NEBL: variants seen among roughly 807,000 people sequenced by gnomAD.
The protein encoded by NEBL is nebulette.
Under a neutral mutation model 140.2 loss-of-function variants are expected in NEBL, and 122 were observed. That is an observed-to-expected ratio of 0.87 (90% CI 0.75 to 1.01). The LOEUF is 1.01. NEBL is among the 50% of genes least tolerant of loss of function. The probability of loss-of-function intolerance (pLI) is 0.00; values close to 1 mark genes in which losing one functional copy is unlikely to be tolerated. For synonymous variants in NEBL, 436 were observed against 398.9 expected (o/e 1.09, Z -1.11); for missense variants, 1,365 against 1,231.3 (o/e 1.11, Z -1.62).
At chr10:21,212,341 GACAA>G (rs1233360589) in intron 3 of NEBL, among the ~76,000 whole-genome samples, 2 of 151,988 alleles carry the variant, frequency 1.3e-5, no homozygotes, top group East Asian at 1.9e-4. Flanking sequence ...AAATTAAACT[GACAA>G]ACAAAGATTT....
chr10:20,820,172 G>C (rs367852206), intron 19 of NEBL, among the ~76,000 whole-genome samples: 48 of 152,232 alleles, frequency 3.2e-4, no homozygotes, highest in African/African-American at 1.1e-3. Flanking sequence ...AAGAAACCTT[G>C]AACTTCAAAG....
intron 2 of NEBL, among the ~76,000 whole-genome samples, chr10:21,053,212 C>T (rs1168522681): frequency 6.6e-6 from 1 of 152,240 alleles, no homozygotes; most frequent in Admixed American, 6.5e-5. Flanking sequence ...CGTTCTTTCC[C>T]CCCTACCATC....
intron 12 of NEBL, 30 bp downstream of exon 12, chr10:20,845,228 A>C: frequency 4.5e-6 from 6 of 1,345,510 alleles, no homozygotes; most frequent in Non-Finnish European, 6.4e-6. Context: ...TTTTCTTCAT[A>C]ATATTTAATA....
chr10:21,072,099 T>G (rs140576250), intron 2 of NEBL, among the ~76,000 whole-genome samples: 4,799 of 152,258 alleles, frequency 0.032, 112 homozygotes, highest in African/African-American at 0.062. Flanking sequence ...ATTACAGGTA[T>G]GAGCCACCGT....
chr10:20,845,143 AAG>A, intron 12 of NEBL, 113 bp downstream of exon 12: 1 of 663,398 alleles, frequency 1.5e-6, no homozygotes, highest in Non-Finnish European at 2.6e-6. Context: ...AGTGAAAAAA[AAG>A]AGTAATGCCT....
At chr10:21,220,853 T>A (rs1208107018) in intron 3 of NEBL, among the ~76,000 whole-genome samples, 1 of 152,124 alleles carries the variant, frequency 6.6e-6, no homozygotes, top group Non-Finnish European at 1.5e-5. Context: ...CTGAATAGAT[T>A]CTTCTCAAAA....
chr10:20,986,079 C>G (rs1837246198), intron 3 of NEBL, among the ~76,000 whole-genome samples: 1 of 152,152 alleles, frequency 6.6e-6, no homozygotes, highest in Non-Finnish European at 1.5e-5. Flanking sequence ...AAAAGCAGGT[C>G]AAGTGCTAAA....
intron 3 of NEBL, among the ~76,000 whole-genome samples, chr10:20,968,233 C>A (rs147860335): frequency 3.4e-4 from 51 of 151,936 alleles, no homozygotes; most frequent in African/African-American, 1.1e-3. Flanking sequence ...GGCCAGGCAC[C>A]GTGGCTCCTG....
At chr10:20,831,060 A>G (rs1840363928) in intron 16 of NEBL, 136 bp downstream of exon 16, 1 of 725,834 alleles carries the variant, frequency 1.4e-6, no homozygotes, top group African/African-American at 1.7e-5. Context: ...AAGTTTGGCC[A>G]ATGGTTTCTT....
At chr10:21,251,417 T>A (rs746030584) in intron 2 of NEBL, among the ~76,000 whole-genome samples, 13 of 152,176 alleles carry the variant, frequency 8.5e-5, no homozygotes, top group Non-Finnish European at 1.3e-4. Context: ...TCAATCTCTT[T>A]CAGATGAATG....
chr10:20,782,480 G>A lies in NEBL; in HGVS notation c.*3267C>T, dbSNP rs1322625364. Reference sequence around the variant, plus strand: ...CCACTATCTTTTTAGAAAAAGTCTTGTTCCTCATTCCCAGAGTGTTGTCAA... The same window carrying A: ...CCACTATCTTTTTAGAAAAAGTCTTATTCCTCATTCCCAGAGTGTTGTCAA... On this transcript the variant is annotated 3_prime_UTR_variant, in exon 28 of 28. Transcript: ENST00000377122. 6.6e-6 allele frequency: 1 copy of A among 152,438 alleles called. No individual in the cohort carries two copies. The highest frequency in any genetic ancestry group is 1.5e-5 in the Non-Finnish European group (1 of 68,020). The allele number at this position is 152,438 out of a possible 1,614,324, so 9.4% of individuals were successfully genotyped here.
At chr10:21,096,528 T>TGTGTGTGC (rs1589229988) in intron 2 of NEBL, among the ~76,000 whole-genome samples, 1 of 148,508 alleles carries the variant, frequency 6.7e-6, no homozygotes, top group African/African-American at 2.5e-5. Context: ...TGTGTGTGTG[T>TGTGTGTGC]TTTGAGACAG....
At chr10:20,987,773 G>T (rs1837311752) in intron 3 of NEBL, among the ~76,000 whole-genome samples, 1 of 152,142 alleles carries the variant, frequency 6.6e-6, no homozygotes, top group African/African-American at 2.4e-5. Context: ...AATGGAAGGA[G>T]ATTTTCCAGG....
intron 2 of NEBL, among the ~76,000 whole-genome samples, chr10:21,027,129 A>G (rs1833533065): frequency 6.6e-6 from 1 of 152,144 alleles, no homozygotes; most frequent in Admixed American, 6.5e-5. Context: ...TTTTCACCAT[A>G]ACAAATCATG....
intron 4 of NEBL, among the ~76,000 whole-genome samples, chr10:20,932,135 C>T (rs535163003): frequency 8.4e-4 from 128 of 152,242 alleles, no homozygotes; most frequent in Middle Eastern, 3.4e-3. Context: ...TTTCTCCATT[C>T]CAGTGGCCAC....
chr10:20,866,691 T>C (rs1478793961), intron 7 of NEBL, among the ~76,000 whole-genome samples: 2 of 152,184 alleles, frequency 1.3e-5, no homozygotes, highest in Non-Finnish European at 2.9e-5. Flanking sequence ...CTCCTACACA[T>C]GAACCTTCTA....
At chr10:21,011,667 G>T (rs1838344468) in intron 3 of NEBL, among the ~76,000 whole-genome samples, 1 of 103,248 alleles carries the variant, frequency 9.7e-6, no homozygotes, top group Non-Finnish European at 1.7e-5. Flanking sequence ...GGCATCTGTG[G>T]CATCTGTTGG....
intron 6 of NEBL, among the ~76,000 whole-genome samples, chr10:20,869,361 A>G (rs1266117172): frequency 2.0e-5 from 3 of 152,192 alleles, no homozygotes; most frequent in African/African-American, 7.2e-5. Flanking sequence ...GAATGTACAC[A>G]ATGAACAGCA....
rs1380311493 is a variant in NEBL at position 20,852,656 on chromosome 10, T to C, written c.904-7A>G. ...AGAGCTTTTTATATTCTCGCTAAAA[T>C]ACAGAATGGGGAAATCAACTTAGAA... On this transcript the variant is annotated splice_polypyrimidine_tract_variant and splice_region_variant and intron_variant, in intron 9 of 27. Transcript: ENST00000377122. The C allele has an allele frequency of 1.9e-6, 3 of 1,587,300 alleles. No individual in the cohort carries two copies. Among genetic ancestry groups the C allele is most frequent in the Non-Finnish European group, 2.6e-6 (3 of 1,156,308 alleles).
Sources: allele counts gnomAD v4.1 joint callset (sites outside exome capture counted in the v4.1 genomes callset), GRCh38; gene constraint gnomAD v4.1.1; transcripts MANE v1.5; gene names NCBI Gene and HGNC (gene_info 2026-07-23, HGNC 2026-07-21).